Variants in CNTNAP5 observed in about 807,000 individuals in gnomAD.
CNTNAP5 encodes contactin associated protein family member 5, also known as contactin-associated protein-like 5.
A neutral mutation model predicts 150.2 loss-of-function variants in CNTNAP5; 72 were observed. That is an observed-to-expected ratio of 0.48 (90% confidence interval 0.40 to 0.58). CNTNAP5 has a LOEUF of 0.58. Among genes scored for constraint, CNTNAP5 ranks in the 20% least tolerant of loss-of-function variants. The pLI, the probability that CNTNAP5 is intolerant of heterozygous loss-of-function variation, is 0.00. For missense variants in CNTNAP5, 1,636 were observed against 1,626.2 expected, an observed-to-expected ratio of 1.01 and a Z score of -0.10; for synonymous variants, 672 against 619.8, an observed-to-expected ratio of 1.08 and a Z score of -1.25.
chr2:124,788,565 C>G (rs13408810), intron 17 of CNTNAP5, among the ~76,000 whole-genome samples: 11,877 of 150,496 alleles, frequency 0.079, 806 homozygotes, highest in African/African-American at 0.18. Flanking sequence ...GTATTGTATT[C>G]TATGTTATTT....
intron 1 of CNTNAP5, among the ~76,000 whole-genome samples, chr2:124,061,859 T>C (rs1380424438): frequency 6.6e-6 from 1 of 152,188 alleles, no homozygotes; most frequent in East Asian, 1.9e-4. Context: ...ACTATTGTCC[T>C]GGATGGAGGG....
intron 2 of CNTNAP5, among the ~76,000 whole-genome samples, chr2:124,229,449 C>T (rs1237766605): frequency 2.6e-5 from 4 of 152,140 alleles, no homozygotes; most frequent in Non-Finnish European, 2.9e-5. Flanking sequence ...TTTTTGTTCT[C>T]TCACTTCCAC....
At chr2:124,234,783 A>G (rs1047733414) in intron 2 of CNTNAP5, among the ~76,000 whole-genome samples, 1 of 152,142 alleles carries the variant, frequency 6.6e-6, no homozygotes, top group Admixed American at 6.5e-5. Context: ...CAAAGGGAAG[A>G]TATTTATTGG....
intron 17 of CNTNAP5, 138 bp from the exon 18 acceptor site, chr2:124,789,764 T>C: frequency 1.3e-6 from 1 of 758,876 alleles, no homozygotes; most frequent in Non-Finnish European, 2.0e-6. Context: ...CAACTCTCAC[T>C]GAAACTTTAA....
intron 1 of CNTNAP5, among the ~76,000 whole-genome samples, chr2:124,073,874 G>T (rs186937541): frequency 2.0e-5 from 3 of 152,192 alleles, no homozygotes; most frequent in Admixed American, 6.5e-5. Flanking sequence ...ATATTGAATA[G>T]GTATCTGCAT....
intron 11 of CNTNAP5, among the ~76,000 whole-genome samples, chr2:124,570,461 A>G (rs578247947): frequency 6.6e-6 from 1 of 152,298 alleles, no homozygotes; most frequent in South Asian, 2.1e-4. Flanking sequence ...GGAGGCAGGA[A>G]GGAGATGCAG....
chr2:124,909,314 C>T (rs2104766636), intron 22 of CNTNAP5, among the ~76,000 whole-genome samples: 1 of 152,284 alleles, frequency 6.6e-6, no homozygotes, highest in South Asian at 2.1e-4. Flanking sequence ...GTATTCACTA[C>T]AGCAACATGC....
intron 13 of CNTNAP5, among the ~76,000 whole-genome samples, chr2:124,705,977 C>G (rs1026783281): frequency 3.9e-5 from 6 of 152,160 alleles, no homozygotes; most frequent in African/African-American, 1.4e-4. Context: ...CTGATCATCA[C>G]AGGCAAAGGG....
chr2:124,581,257 GT>G (rs1334735700), intron 11 of CNTNAP5, among the ~76,000 whole-genome samples: 1 of 152,142 alleles, frequency 6.6e-6, no homozygotes, highest in African/African-American at 2.4e-5. Context: ...ATCATTTCAG[GT>G]TTCTTAATTT....
chr2:124,026,805 GGTTA>G (rs1680903881), intron 1 of CNTNAP5, among the ~76,000 whole-genome samples: 1 of 152,170 alleles, frequency 6.6e-6, no homozygotes, highest in South Asian at 2.1e-4. Flanking sequence ...TATCATGGTT[GGTTA>G]GAGAACAGTA....
At chr2:124,531,145 A>G (rs771639032) in intron 10 of CNTNAP5, among the ~76,000 whole-genome samples, 14 of 152,070 alleles carry the variant, frequency 9.2e-5, no homozygotes, top group Non-Finnish European at 1.6e-4. Context: ...GTGACAGATC[A>G]TCAGGCATTA....
At chr2:124,225,853 T>C (rs1350587348) in intron 2 of CNTNAP5, among the ~76,000 whole-genome samples, 2 of 152,162 alleles carry the variant, frequency 1.3e-5, no homozygotes, top group Non-Finnish European at 2.9e-5. Context: ...AGATTCCTCA[T>C]ATAAGTGAGA....
intron 3 of CNTNAP5, among the ~76,000 whole-genome samples, chr2:124,371,297 A>G (rs1690519157): frequency 6.6e-6 from 1 of 152,188 alleles, no homozygotes; most frequent in South Asian, 2.1e-4. Context: ...GGAAGAGTAC[A>G]CTTGCTTTGA....
chr2:124,895,966 C>T (rs1413269484), intron 21 of CNTNAP5, among the ~76,000 whole-genome samples: 1 of 151,404 alleles, frequency 6.6e-6, no homozygotes, highest in Non-Finnish European at 1.5e-5. Flanking sequence ...TGGGCCATGC[C>T]TTGTAAGGCT....
chr2:124,432,583 C>A lies in CNTNAP5; in HGVS notation c.530-1901C>A, dbSNP rs1023670099. Among the ~76,000 whole-genome samples the A allele has an allele frequency of 2.6e-5, 4 of 152,162 alleles. No homozygotes were observed. The South Asian group carries it at 8.3e-4, about 32-fold the overall frequency. ...TGTGGTCCTTCCACTCACTGCTGGG[C>A]ACTACAGGGGCTACCTAGGACACAA... On this transcript the variant is annotated intron_variant, in intron 4 of 23. Coordinates refer to ENST00000682447, the MANE Select transcript of CNTNAP5 (RefSeq NM_001367498.1).
At chr2:124,215,739 G>T (rs1005497899) in intron 1 of CNTNAP5, among the ~76,000 whole-genome samples, 35 of 133,678 alleles carry the variant, frequency 2.6e-4, no homozygotes, top group African/African-American at 7.6e-4. Context: ...AAAAAGAAGA[G>T]AAATTCAAAT....
At chr2:124,586,365 G>C (rs1573476697) in intron 11 of CNTNAP5, among the ~76,000 whole-genome samples, 1 of 152,292 alleles carries the variant, frequency 6.6e-6, no homozygotes, top group South Asian at 2.1e-4. Flanking sequence ...GGGTCGCTGA[G>C]CCCCTGTAAG....
At chr2:124,773,523 TG>T (rs1176852486) in intron 17 of CNTNAP5, among the ~76,000 whole-genome samples, 1 of 152,144 alleles carries the variant, frequency 6.6e-6, no homozygotes, top group Non-Finnish European at 1.5e-5. Context: ...GGGGGCTCTT[TG>T]ATAGTACCTG....
At chr2:124,615,333 C>G (rs1022835225) in intron 12 of CNTNAP5, among the ~76,000 whole-genome samples, 2 of 152,188 alleles carry the variant, frequency 1.3e-5, no homozygotes, top group African/African-American at 4.8e-5. Flanking sequence ...ACTGCTTTAG[C>G]AACTAAGCTT....
Sources: allele counts gnomAD v4.1 joint callset (sites outside exome capture counted in the v4.1 genomes callset), GRCh38; gene constraint gnomAD v4.1.1; transcripts MANE v1.5; gene names NCBI Gene and HGNC (gene_info 2026-07-23, HGNC 2026-07-21).